TRIM24: variants seen among roughly 807,000 people sequenced by gnomAD.
TRIM24 encodes tripartite motif containing 24.
TRIM24 carries 29 observed loss-of-function variants against 123.9 expected under a neutral mutation model. The observed-to-expected ratio is 0.23, with a 90% CI of 0.17 to 0.32. The LOEUF is 0.32. Ranked by LOEUF, TRIM24 falls within the 10% of genes least tolerant of loss-of-function variation. TRIM24 has a pLI of 1.00. For missense variants in TRIM24, 932 were observed against 1,295.3 expected (o/e 0.72, Z 4.31); for synonymous variants, 456 against 461.1 (o/e 0.99, Z 0.14).
At chr7:138,576,298 AG>A in intron 12 of TRIM24, 74 bp from the exon 13 acceptor site, 1 of 1,345,672 alleles carries the variant, frequency 7.4e-7, no homozygotes, top group Non-Finnish European at 1.1e-6. Flanking sequence ...TGTAGTGCTA[AG>A]TGAACACATT....
intron 1 of TRIM24, among the ~76,000 whole-genome samples, chr7:138,492,640 G>C (rs1389928378): frequency 6.6e-6 from 1 of 152,166 alleles, no homozygotes; most frequent in African/African-American, 2.4e-5. Flanking sequence ...TGCTCTTGCA[G>C]AATAGTTTGG....
intron 1 of TRIM24, among the ~76,000 whole-genome samples, chr7:138,482,849 C>G (rs768970560): frequency 2.0e-5 from 3 of 152,078 alleles, no homozygotes; most frequent in Non-Finnish European, 4.4e-5. Context: ...GTGATCCTCT[C>G]ACTTTGGCCT....
chr7:138,498,522 C>T (rs999759834), intron 1 of TRIM24, among the ~76,000 whole-genome samples: 2 of 152,044 alleles, frequency 1.3e-5, no homozygotes, highest in African/African-American at 4.8e-5. Context: ...GTGTGCCTGG[C>T]CCCCTGTGTG....
intron 6 of TRIM24, among the ~76,000 whole-genome samples, chr7:138,535,103 G>T (rs1306488413): frequency 6.6e-6 from 1 of 152,038 alleles, no homozygotes; most frequent in East Asian, 1.9e-4. Context: ...TTGAGCTTAT[G>T]TGTGTCTCTG....
At chr7:138,573,322 A>C (rs530115309) in intron 11 of TRIM24, among the ~76,000 whole-genome samples, 185 bp from the exon 12 acceptor site, 1 of 152,322 alleles carries the variant, frequency 6.6e-6, no homozygotes, top group South Asian at 2.1e-4. Flanking sequence ...TGAAACACTA[A>C]GATAGTGAAA....
intron 5 of TRIM24, among the ~76,000 whole-genome samples, chr7:138,527,898 C>G (rs1211695321): frequency 1.3e-5 from 2 of 151,908 alleles, no homozygotes; most frequent in Non-Finnish European, 2.9e-5. Flanking sequence ...GGGCCTAGAA[C>G]AAAGGCTGGG....
rs1449211347 is a variant in TRIM24, at chr7:138,555,054, C to T, written c.1530+88C>T. ...CAAAATAACAAAGACATCCATTTTC[C>T]ATACTCTAAATATCTGCATTTATAA... On this transcript the variant is annotated intron_variant, in intron 9 of 18. Transcript: ENST00000343526. 8 of 1,354,410 alleles carry T rather than the reference C, an allele frequency of 5.9e-6. No individual in the cohort carries two copies. In the Admixed American group the frequency reaches 8.5e-5, roughly 14 times the overall value. 83.9% of individuals were successfully genotyped at this position (1,354,410 alleles called of 1,614,324 possible).
At chr7:138,494,726 G>A (rs1209879496) in intron 1 of TRIM24, among the ~76,000 whole-genome samples, 1 of 152,146 alleles carries the variant, frequency 6.6e-6, no homozygotes, top group Non-Finnish European at 1.5e-5. Context: ...GAGACTTTGA[G>A]AAACTGGATA....
chr7:138,518,654 A>C (rs1796447036), intron 3 of TRIM24, among the ~76,000 whole-genome samples: 1 of 151,602 alleles, frequency 6.6e-6, no homozygotes, highest in Non-Finnish European at 1.5e-5. Flanking sequence ...CTCTTTTTCC[A>C]TCTCTTTCTC....
intron 8 of TRIM24, among the ~76,000 whole-genome samples, chr7:138,553,420 C>T (rs1269276902): frequency 2.6e-5 from 4 of 152,136 alleles, no homozygotes; most frequent in South Asian, 2.1e-4. Flanking sequence ...ACACATATAC[C>T]TTCTTGTCAT....
rs185930743 is a variant in TRIM24 at position 138,550,972 on chromosome 7, G to A, written c.1144-91G>A. 1,737 of 963,358 alleles carry A rather than the reference G, an allele frequency of 1.8e-3. 7 individuals carry two copies. The highest frequency in any genetic ancestry group is 2.8e-3 in the Middle Eastern group (13 of 4,592). The allele number at this position is 963,358 out of a possible 1,614,324, so 59.7% of individuals were successfully genotyped here. ...TATATATGATTGTTTATTGTGTATT[G>A]ATGTACATACCAGAGACTGTTTTTG... On this transcript the variant is annotated intron_variant, in intron 7 of 18. Coordinates refer to ENST00000343526, the MANE Select transcript of TRIM24 (RefSeq NM_015905.3).
At chr7:138,527,458 C>G (rs944582029) in intron 5 of TRIM24, among the ~76,000 whole-genome samples, 1 of 152,122 alleles carries the variant, frequency 6.6e-6, no homozygotes, top group African/African-American at 2.4e-5. Flanking sequence ...CATTTGACCC[C>G]ATGGCACTGT....
chr7:138,548,098 G>C (rs936758898), intron 7 of TRIM24, among the ~76,000 whole-genome samples: 11 of 152,150 alleles, frequency 7.2e-5, no homozygotes, highest in African/African-American at 2.7e-4. Flanking sequence ...GTACACCTGA[G>C]GATAAAAAGT....
chr7:138,464,928 G>A (rs987542195), intron 1 of TRIM24, among the ~76,000 whole-genome samples: 1 of 152,112 alleles, frequency 6.6e-6, no homozygotes, highest in Admixed American at 6.5e-5. Flanking sequence ...TTTAATGCAA[G>A]CAGTATTCTA....
At chr7:138,499,481 TG>T (rs765974905) in intron 1 of TRIM24, among the ~76,000 whole-genome samples, 1 of 152,182 alleles carries the variant, frequency 6.6e-6, no homozygotes, top group Non-Finnish European at 1.5e-5. Context: ...CCTCAAGGCT[TG>T]GGAAAGCTGC....
In TRIM24 at chr7:138,567,619, C is replaced by G; in HGVS notation, c.1669C>G (p.Gln557Glu). 1 of 1,613,138 alleles carries G rather than the reference C, an allele frequency of 6.2e-7. No homozygotes were observed. The highest frequency in any genetic ancestry group is 8.5e-7 in the Non-Finnish European group (1 of 1,179,646). ...PRQAIKPNPL[Q>E]MAFLAQQAIK... is the part of the protein sequence containing the mutation. The stretch of plus-strand genomic sequence containing the variant: ...ACAAGCAATAAAGCCAAACCCCCTA[C>G]AGATGGCTTTCTTGGCTCAACAAGC... Residue 557 changes from glutamine to glutamate, a missense_variant, in exon 10 of 19, where the codon CAG becomes GAG. This residue lies in a region of TRIM24 where 527 missense variants were observed against 691.3 expected (regional missense o/e 0.76). Transcript: ENST00000343526.
Position 138,497,393 on chromosome 7 carries a change from CTTTTTTTTTTTT to C in TRIM24, c.365-6883_365-6872del, listed in dbSNP as rs869232002. Reference sequence around the variant, plus strand: ...GATGGGAAGGTTTCAATTACAATTTCTTTTTTTTTTTTTTTTTTTTTTTTTGAGAAAGAGTCT... The same window carrying C: ...GATGGGAAGGTTTCAATTACAATTTCTTTTTTTTTTTTTGAGAAAGAGTCT... On this transcript the variant is annotated intron_variant, in intron 1 of 18. Coordinates refer to ENST00000343526, the MANE Select transcript of TRIM24 (RefSeq NM_015905.3). Among the ~76,000 whole-genome samples, 463 of 88,324 alleles carry C rather than the reference CTTTTTTTTTTTT, an allele frequency of 5.2e-3. 1 individual carries two copies. The highest frequency in any genetic ancestry group is 0.02 in the African/African-American group (431 of 21,732). The allele number at this position is 88,324 out of a possible 152,430, so 57.9% of individuals were successfully genotyped here.
In TRIM24 at chr7:138,583,910, C is replaced by A. The variant is rs1797958620; in HGVS notation, c.2854C>A (p.Leu952Ile). The A allele has an allele frequency of 6.2e-7, 1 of 1,600,396 alleles. No individual in the cohort carries two copies. The highest frequency in any genetic ancestry group is 1.7e-5 in the Admixed American group (1 of 57,322). ...GGATTTGTCAACCATCAAGAAAAGA[C>A]TACAAGAAGATTATTCCATGTACTC... is the stretch of plus-strand genomic sequence containing the variant. Reference protein sequence around the residue: ...PMDLSTIKKRLQEDYSMYSKP... With the variant: ...PMDLSTIKKRIQEDYSMYSKP... The change falls in exon 18 of 19, where the codon CTA (leucine) becomes ATA (isoleucine). Residue 952 changes from leucine (L) to isoleucine (I), a missense_variant. By Grantham distance (5) the Leu-to-Ile change is conservative (BLOSUM62 2). Transcript: ENST00000343526.
At chr7:138,563,146 A>T (rs1295466553) in intron 9 of TRIM24, among the ~76,000 whole-genome samples, 1 of 152,100 alleles carries the variant, frequency 6.6e-6, no homozygotes, top group East Asian at 1.9e-4. Context: ...CCCCACTTCT[A>T]ATGTGACCAT....
Sources: allele counts gnomAD v4.1 joint callset (sites outside exome capture counted in the v4.1 genomes callset), GRCh38; gene constraint gnomAD v4.1.1; regional missense constraint gnomAD v4.1.1; transcripts MANE v1.5; gene names NCBI Gene and HGNC (gene_info 2026-07-23, HGNC 2026-07-21).